The following LRRC28 variants were observed in gnomAD, a reference collection of about 807,000 sequenced individuals.
The protein encoded by LRRC28 is leucine-rich repeat-containing protein 28.
In LRRC28, 39 loss-of-function variants were observed where a neutral mutation model predicts 45.7. That is an observed-to-expected ratio of 0.85 (90% CI 0.66 to 1.12). The LOEUF is 1.12. Among genes scored for constraint, LRRC28 ranks in the 50% most tolerant of loss-of-function variants. LRRC28 has a pLI of 0.00. For synonymous variants in LRRC28, 206 were observed against 178.8 expected (o/e 1.15, Z -1.22); for missense variants, 435 against 438.5 (o/e 0.99, Z 0.07).
chr15:99,284,742 T>C, intron 3 of LRRC28: 1 of 523,548 alleles, frequency 1.9e-6, no homozygotes, highest in Middle Eastern at 6.5e-4. Context: ...CTGCCACCAT[T>C]GTCCTCCCTT....
At chr15:99,360,005 T>C (rs543300154) in intron 7 of LRRC28, among the ~76,000 whole-genome samples, 40 of 152,170 alleles carry the variant, frequency 2.6e-4, no homozygotes, top group Non-Finnish European at 4.9e-4. Context: ...CTTTGCCACT[T>C]ATCAGTCCCT....
intron 7 of LRRC28, among the ~76,000 whole-genome samples, chr15:99,357,981 T>C (rs886312533): frequency 3.3e-5 from 5 of 151,854 alleles, no homozygotes; most frequent in Non-Finnish European, 4.4e-5. Context: ...AAAAAGGAAA[T>C]AGACATTATA....
intron 5 of LRRC28, among the ~76,000 whole-genome samples, chr15:99,302,925 C>T (rs1955036186): frequency 6.6e-6 from 1 of 152,146 alleles, no homozygotes. Context: ...TTTAGGCTGT[C>T]TCCAGTTTGG....
At chr15:99,292,457 C>T (rs1428448400) in intron 5 of LRRC28, among the ~76,000 whole-genome samples, 2 of 150,962 alleles carry the variant, frequency 1.3e-5, no homozygotes, top group East Asian at 1.9e-4. Flanking sequence ...CTCCGCTTCC[C>T]GGGTTCATGC....
Position 99,294,624 on chromosome 15 carries a change from G to T in LRRC28, c.385+6673G>T, listed in dbSNP as rs2082216125. ...TTCATAGATGACACTTTTTCACTGT[G>T]TTCTCATGTGGTAGAATGGAGCAAG... On this transcript the variant is annotated intron_variant, in intron 5 of 9. Coordinates refer to ENST00000301981, the MANE Select transcript of LRRC28 (RefSeq NM_144598.5). Among the ~76,000 whole-genome samples the T allele has an allele frequency of 2.0e-5, 3 of 152,134 alleles. No individual in the cohort carries two copies. In the South Asian group the frequency reaches 6.2e-4, roughly 31 times the overall value.
rs184084805 is a variant in LRRC28 at position 99,283,395 on chromosome 15, C to T, written c.210-3862C>T. Among the ~76,000 whole-genome samples, 874 of 149,626 alleles carry T rather than the reference C, an allele frequency of 5.8e-3. 7 individuals are homozygous for T. The highest frequency in any genetic ancestry group is 8.7e-3 in the Non-Finnish European group (584 of 67,322). The stretch of plus-strand genomic sequence containing the variant: ...TTGGGAGGCCGAGGTGGGTGGATCA[C>T]GAGGTCAGGAGTTTGAGACCAGCTG... On this transcript the variant is annotated intron_variant, in intron 3 of 9. Coordinates refer to ENST00000301981, the MANE Select transcript of LRRC28 (RefSeq NM_144598.5).
At chr15:99,373,577 G>A (rs932524574) in intron 9 of LRRC28, among the ~76,000 whole-genome samples, 1 of 152,104 alleles carries the variant, frequency 6.6e-6, no homozygotes, top group Non-Finnish European at 1.5e-5. Context: ...ATTACTGACT[G>A]TAGTCACCCT....
At position 99,288,371 on chromosome 15, in the gene LRRC28, CTTTTTTTTTTTTTTTT is replaced by C. The variant is rs67593137; in HGVS notation, c.385+434_385+449del. On this transcript the variant is annotated intron_variant, in intron 5 of 9. Coordinates refer to ENST00000301981, the MANE Select transcript of LRRC28 (RefSeq NM_144598.5). Reference sequence around the variant, plus strand: ...TAGTGAGGTAACTAATGTACATTAACTTTTTTTTTTTTTTTTTTTTTTTTTTTTTGAGATAGAGTCT... The same window carrying C: ...TAGTGAGGTAACTAATGTACATTAACTTTTTTTTTTTTTGAGATAGAGTCT... Among the ~76,000 whole-genome samples, 50 of 82,916 alleles carry C rather than the reference CTTTTTTTTTTTTTTTT, an allele frequency of 6.0e-4. No individual in the cohort carries two copies. In the East Asian group the frequency reaches 6.9e-3, roughly 12 times the overall value. The allele number at this position is 82,916 out of a possible 152,430, so 54.4% of individuals were successfully genotyped here.
intron 6 of LRRC28, among the ~76,000 whole-genome samples, chr15:99,347,187 C>T (rs1287217388): frequency 6.6e-6 from 1 of 151,566 alleles, no homozygotes; most frequent in Non-Finnish European, 1.5e-5. Context: ...GTTTCAATCT[C>T]CTTGTGTACG....
intron 9 of LRRC28, among the ~76,000 whole-genome samples, chr15:99,385,742 A>ATTTGT (rs199729470): frequency 4.9e-5 from 7 of 142,024 alleles, no homozygotes; most frequent in Non-Finnish European, 9.1e-5. Flanking sequence ...TGGAAAAGGC[A>ATTTGT]TTTGTTTTTT....
chr15:99,252,276 G>A (rs978955131), intron 1 of LRRC28, among the ~76,000 whole-genome samples: 1 of 152,216 alleles, frequency 6.6e-6, no homozygotes, highest in African/African-American at 2.4e-5. Context: ...TGTATGGCCC[G>A]TGAATGCATA....
intron 5 of LRRC28, among the ~76,000 whole-genome samples, chr15:99,330,172 T>G (rs1206658994): frequency 6.6e-6 from 1 of 152,194 alleles, no homozygotes; most frequent in African/African-American, 2.4e-5. Context: ...TACACTTTAT[T>G]GATTTTGGAT....
chr15:99,287,406 T>C, intron 4 of LRRC28, 112 bp downstream of exon 4: 1 of 761,102 alleles, frequency 1.3e-6, no homozygotes, highest in Non-Finnish European at 2.0e-6. Flanking sequence ...TTCAAAACTT[T>C]TTTCTTCTAA....
chr15:99,288,098 A>G (rs907242853), intron 5 of LRRC28, 147 bp downstream of exon 5: 9 of 757,812 alleles, frequency 1.2e-5, no homozygotes, highest in Non-Finnish European at 1.7e-5. Context: ...AATGGGTGAA[A>G]TATTACTAAG....
intron 2 of LRRC28, chr15:99,258,298 A>C (rs6598229): frequency 0.65 from 992,509 of 1,518,156 alleles, 323,869 homozygotes; most frequent in Middle Eastern, 0.71. Context: ...GGGAGTCTGA[A>C]TCCAATGAAT....
In LRRC28 at chr15:99,387,745, C is replaced by T. The variant is rs1443517089; in HGVS notation, c.*1643C>T. 1 of 151,898 alleles carries T rather than the reference C, an allele frequency of 6.6e-6. No homozygotes were observed. Among genetic ancestry groups the T allele is most frequent in the Non-Finnish European group, 1.5e-5 (1 of 68,012 alleles). The allele number at this position is 151,898 out of a possible 1,614,324, so 9.4% of individuals were successfully genotyped here. On this transcript the variant is annotated 3_prime_UTR_variant, in exon 10 of 10. Coordinates refer to ENST00000301981, the MANE Select transcript of LRRC28 (RefSeq NM_144598.5). Reference sequence around the variant, plus strand: ...TAAAAGGCAGGGCTGAATGGAGAACCAAGAATTTGCTTGGTAGAAAAATTA... The same window carrying T: ...TAAAAGGCAGGGCTGAATGGAGAACTAAGAATTTGCTTGGTAGAAAAATTA...
At chr15:99,289,423 T>C (rs902492398) in intron 5 of LRRC28, among the ~76,000 whole-genome samples, 1 of 152,154 alleles carries the variant, frequency 6.6e-6, no homozygotes, top group African/African-American at 2.4e-5. Flanking sequence ...CTAAGTGAAA[T>C]ATGTGACTCA....
intron 5 of LRRC28, among the ~76,000 whole-genome samples, chr15:99,290,759 C>T (rs1200898311): frequency 6.6e-6 from 1 of 151,950 alleles, no homozygotes; most frequent in African/African-American, 2.4e-5. Context: ...AGTTCGAGAC[C>T]AGCCAGGGCA....
chr15:99,264,585 A>G (rs937901602), intron 2 of LRRC28, among the ~76,000 whole-genome samples: 1 of 152,214 alleles, frequency 6.6e-6, no homozygotes, highest in African/African-American at 2.4e-5. Flanking sequence ...GATGTTCTCT[A>G]TGCAAACCCC....
Sources: allele counts gnomAD v4.1 joint callset (sites outside exome capture counted in the v4.1 genomes callset), GRCh38; gene constraint gnomAD v4.1.1; transcripts MANE v1.5; gene names NCBI Gene and HGNC (gene_info 2026-07-23, HGNC 2026-07-21).